MYO5C: variants seen among roughly 807,000 people sequenced by gnomAD.
MYO5C encodes myosin VC, also known as unconventional myosin-Vc.
In MYO5C, 194 loss-of-function variants were observed where a neutral mutation model predicts 235.7. That is an observed-to-expected ratio of 0.82 (90% CI 0.73 to 0.93). MYO5C has a LOEUF of 0.93. Among genes scored for constraint, MYO5C ranks in the 40% least tolerant of loss-of-function variants. MYO5C has a pLI of 0.00. For synonymous variants in MYO5C, 707 were observed against 754.8 expected, an observed-to-expected ratio of 0.94 and a Z score of 1.04; for missense variants, 2,038 against 2,127.2, an observed-to-expected ratio of 0.96 and a Z score of 0.82.
At chr15:52,224,323 A>T (rs1203734627) in intron 28 of MYO5C, among the ~76,000 whole-genome samples, 1 of 152,216 alleles carries the variant, frequency 6.6e-6, no homozygotes, top group Non-Finnish European at 1.5e-5. Flanking sequence ...ATGATACTAC[A>T]GTTGTGGATA....
intron 23 of MYO5C, among the ~76,000 whole-genome samples, chr15:52,234,490 A>G (rs111904673): frequency 4.2e-5 from 1 of 23,666 alleles, no homozygotes; most frequent in African/African-American, 6.9e-5. Context: ...GTTAGGGGGG[A>G]AAAAAGCCAA....
intron 4 of MYO5C, among the ~76,000 whole-genome samples, 169 bp downstream of exon 4, chr15:52,278,704 T>C (rs1392750374): frequency 6.6e-6 from 1 of 152,196 alleles, no homozygotes; most frequent in Non-Finnish European, 1.5e-5. Flanking sequence ...GTCAGGTACA[T>C]GGAACAGTCG....
chr15:52,271,232 A>T (rs886695038), intron 7 of MYO5C, among the ~76,000 whole-genome samples: 3 of 142,076 alleles, frequency 2.1e-5, no homozygotes, highest in Non-Finnish European at 3.1e-5. Context: ...CCAATGAGCT[A>T]TTTTTTTTTT....
chr15:52,211,371 A>G (rs2035438224), intron 35 of MYO5C, among the ~76,000 whole-genome samples: 1 of 152,176 alleles, frequency 6.6e-6, no homozygotes, highest in Non-Finnish European at 1.5e-5. Flanking sequence ...GAATTATATA[A>G]TTGCCAAGGG....
chr15:52,227,292 T>C (rs1266619581), intron 25 of MYO5C, among the ~76,000 whole-genome samples: 5 of 142,964 alleles, frequency 3.5e-5, no homozygotes, highest in African/African-American at 1.3e-4. Context: ...CCTCCCAGGT[T>C]CAAGCGACCC....
intron 38 of MYO5C, among the ~76,000 whole-genome samples, chr15:52,197,368 GAAAGAAGCCATCCACA>G (rs2035075006): frequency 6.6e-6 from 1 of 152,192 alleles, no homozygotes; most frequent in African/African-American, 2.4e-5. Flanking sequence ...TTACGTAAGT[GAAAGAAGCCATCCACA>G]AAAGATAACA....
intron 14 of MYO5C, 115 bp downstream of exon 14, chr15:52,248,585 T>C (rs1475810602): frequency 5.8e-6 from 4 of 686,952 alleles, no homozygotes; most frequent in Non-Finnish European, 9.8e-6. Context: ...GTCCAGAGAG[T>C]TCACACACAC....
chr15:52,288,773 C>T (rs147643394), intron 1 of MYO5C, among the ~76,000 whole-genome samples: 158 of 152,342 alleles, frequency 1.0e-3, no homozygotes, highest in African/African-American at 3.7e-3. Flanking sequence ...TGGAACAGCT[C>T]GCCAAGCCCT....
chr15:52,239,019 T>C (rs1388635365), intron 21 of MYO5C, among the ~76,000 whole-genome samples: 1 of 151,808 alleles, frequency 6.6e-6, no homozygotes, highest in African/African-American at 2.4e-5. Flanking sequence ...TGGCGCCATC[T>C]TGGCCTACTG....
chr15:52,279,235 G>T (rs1441384694), intron 3 of MYO5C, among the ~76,000 whole-genome samples: 1 of 152,136 alleles, frequency 6.6e-6, no homozygotes, highest in African/African-American at 2.4e-5. Flanking sequence ...CTCGCAAATG[G>T]AGAGGTTTTT....
At position 52,211,697 on chromosome 15, in the gene MYO5C, A is replaced by G. The variant is rs746712389; in HGVS notation, c.4296+33T>C. 5 of 1,603,918 alleles carry G rather than the reference A, an allele frequency of 3.1e-6. No individual in the cohort carries two copies. In the South Asian group the frequency reaches 3.4e-5, roughly 11 times the overall value. On this transcript the variant is annotated intron_variant, in intron 35 of 40. Coordinates refer to ENST00000261839, the MANE Select transcript of MYO5C (RefSeq NM_018728.4). ...GCATCTGGTCATTCCCATAGATGTG[A>G]TACCAGGGGCCAATGTCAAAGGCAT...
intron 1 of MYO5C, among the ~76,000 whole-genome samples, chr15:52,289,427 C>T (rs976406709): frequency 6.6e-6 from 1 of 152,236 alleles, no homozygotes; most frequent in Admixed American, 6.5e-5. Flanking sequence ...TGCCGACGCT[C>T]CTCCTTCCTA....
rs750678570 is a variant in MYO5C, at chr15:52,282,769, C to A, written c.138+13G>T. 7 of 1,556,240 alleles carry A rather than the reference C, an allele frequency of 4.5e-6. No homozygotes were observed. The highest frequency in any genetic ancestry group is 6.2e-6 in the Non-Finnish European group (7 of 1,127,440). On this transcript the variant is annotated intron_variant, in intron 2 of 40. Transcript: ENST00000261839. ...TACACATCGACGTAGCTGTGAACAGCAAGGACCCTCACCGTTCCATCCTCC... is the reference window on the plus strand; with the variant it reads ...TACACATCGACGTAGCTGTGAACAGAAAGGACCCTCACCGTTCCATCCTCC...
intron 5 of MYO5C, 58 bp downstream of exon 5, chr15:52,275,504 A>G: frequency 6.2e-7 from 1 of 1,606,348 alleles, no homozygotes; most frequent in South Asian, 1.1e-5. Context: ...GAGCACACAA[A>G]CCAACCAACC....
intron 1 of MYO5C, among the ~76,000 whole-genome samples, chr15:52,289,888 A>G (rs2037351491): frequency 6.6e-6 from 1 of 152,200 alleles, no homozygotes; most frequent in Admixed American, 6.5e-5. Context: ...CAAAACCACT[A>G]GCACTTTCTG....
At position 52,287,844 on chromosome 15, in the gene MYO5C, C is replaced by T. The variant is rs536640909; in HGVS notation, c.28-4952G>A. 5.3e-5 allele frequency among the ~76,000 whole-genome samples: 8 copies of T among 152,220 alleles called. No homozygotes were observed. The East Asian group carries it at 7.7e-4, about 15-fold the overall frequency. On this transcript the variant is annotated intron_variant, in intron 1 of 40. Transcript: ENST00000261839. ...ATACAAAAGTAGCTGGGCGTGGTGG[C>T]GCATGCCTCTAACCCCAGCTACTTG...
At chr15:52,256,562 AACACACAC>A (rs373248361) in intron 11 of MYO5C, 69 bp downstream of exon 11, 2 of 631,922 alleles carry the variant, frequency 3.2e-6, no homozygotes, top group Non-Finnish European at 5.4e-6. Flanking sequence ...TCTTTCCACG[AACACACAC>A]ACACACACAC....
At chr15:52,235,269 T>A (rs1160551396) in intron 23 of MYO5C, among the ~76,000 whole-genome samples, 4 of 152,212 alleles carry the variant, frequency 2.6e-5, no homozygotes, top group African/African-American at 9.6e-5. Context: ...ACTCTGACTG[T>A]ACATCAGGAT....
intron 1 of MYO5C, among the ~76,000 whole-genome samples, chr15:52,292,028 C>T (rs1327176280): frequency 6.6e-6 from 1 of 152,034 alleles, no homozygotes; most frequent in Non-Finnish European, 1.5e-5. Flanking sequence ...CGTGAGCCAC[C>T]GCACCCGGCC....
Sources: allele counts gnomAD v4.1 joint callset (sites outside exome capture counted in the v4.1 genomes callset), GRCh38; gene constraint gnomAD v4.1.1; transcripts MANE v1.5; gene names NCBI Gene and HGNC (gene_info 2026-07-23, HGNC 2026-07-21).